The following TULP4 variants were observed in gnomAD, a reference collection of about 807,000 sequenced individuals.
TULP4 encodes the protein tubby-related protein 4.
A neutral mutation model predicts 129.0 loss-of-function variants in TULP4; 16 were observed. The observed-to-expected ratio is 0.12, with a 90% confidence interval of 0.08 to 0.19. The LOEUF (loss-of-function observed/expected upper bound fraction) is 0.19, where lower values mean the gene tolerates loss of function less well. Among genes scored for constraint, TULP4 ranks in the 10% least tolerant of loss-of-function variants. The pLI is 1.00. For synonymous variants in TULP4, 998 were observed against 854.0 expected (o/e 1.17, Z -2.94); for missense variants, 1,842 against 2,059.1 (o/e 0.89, Z 2.04).
intron 3 of TULP4, among the ~76,000 whole-genome samples, chr6:158,438,566 AGTTT>A (rs140886476): frequency 0.09 from 12,773 of 141,812 alleles, 621 homozygotes; most frequent in South Asian, 0.18. Context: ...AAAACACCAC[AGTTT>A]GTTTGTTTGT....
At chr6:158,403,874 A>C (rs1777911094) in intron 1 of TULP4, among the ~76,000 whole-genome samples, 1 of 152,218 alleles carries the variant, frequency 6.6e-6, no homozygotes, top group African/African-American at 2.4e-5. Flanking sequence ...TGGCGTCTTT[A>C]CATGTAAACT....
chr6:158,349,519 G>GTGT (rs1780436739), intron 1 of TULP4, among the ~76,000 whole-genome samples: 1 of 138,744 alleles, frequency 7.2e-6, no homozygotes, highest in Non-Finnish European at 1.6e-5. Context: ...CCCAGACGAA[G>GTGT]GGTGGCCGGG....
intron 1 of TULP4, among the ~76,000 whole-genome samples, chr6:158,374,120 A>T (rs1437160951): frequency 3.3e-5 from 5 of 152,140 alleles, no homozygotes; most frequent in Admixed American, 6.5e-5. Flanking sequence ...TCAGATGCAG[A>T]TATTCATCAG....
intron 8 of TULP4, among the ~76,000 whole-genome samples, chr6:158,487,820 T>C (rs146764488): frequency 1.5e-4 from 23 of 152,374 alleles, no homozygotes; most frequent in African/African-American, 5.3e-4. Flanking sequence ...TTTCTTTGTC[T>C]CATGCCACCC....
At chr6:158,388,322 C>CTTTTTTTTTTTTTTTTTT (rs10650311) in intron 1 of TULP4, among the ~76,000 whole-genome samples, 5 of 86,262 alleles carry the variant, frequency 5.8e-5, no homozygotes, top group African/African-American at 9.9e-5. Context: ...GCTCGTTTTT[C>CTTTTTTTTTTTTTTTTTT]TTTTTTTTTT....
At position 158,401,274 on chromosome 6, in the gene TULP4, G is replaced by A. The variant is rs577998644; in HGVS notation, c.253-11791G>A. 3.3e-5 allele frequency among the ~76,000 whole-genome samples: 5 copies of A among 152,090 alleles called. 1 individual carries two copies. The Middle Eastern group carries it at 0.01, about 310-fold the overall frequency. On this transcript the variant is annotated intron_variant, in intron 1 of 13. Coordinates refer to ENST00000367097, the MANE Select transcript of TULP4 (RefSeq NM_020245.5). ...TTTTTTGTAGAGACGGGGTTTCACC[G>A]TGTTGCCCAGGCTGGTCTCGAACTC...
At chr6:158,240,639 G>A (rs577101108) in intron 1 of TULP4, among the ~76,000 whole-genome samples, 1 of 109,546 alleles carries the variant, frequency 9.1e-6, no homozygotes, top group African/African-American at 2.9e-5. Flanking sequence ...GCGGCTGGCC[G>A]GGTGGAGGCT....
chr6:158,463,679 A>T (rs1276873921), intron 6 of TULP4, among the ~76,000 whole-genome samples: 1 of 143,750 alleles, frequency 7.0e-6, no homozygotes, highest in African/African-American at 2.6e-5. Context: ...AAAAGAAAAA[A>T]TAAATGGAAT....
intron 1 of TULP4, chr6:158,242,150 C>A (rs938579141): frequency 7.6e-5 from 76 of 995,672 alleles, no homozygotes; most frequent in Non-Finnish European, 4.5e-5. Flanking sequence ...TAAGTGATGG[C>A]CAGTCCTGCC....
chr6:158,238,023 G>A lies in TULP4; in HGVS notation n.68+5720G>A. The stretch of plus-strand genomic sequence containing the variant: ...AATGAGCAGGAGATTTGAGCTGATG[G>A]TTTTGATACCACCAGATAGCTTGTG... On this transcript the variant is annotated intron_variant and non_coding_transcript_variant, in intron 1 of 1. Coordinates refer to the TULP4 transcript ENST00000620026. 3 of 707,914 alleles carry A rather than the reference G, an allele frequency of 4.2e-6. No individual in the cohort carries two copies. The South Asian group carries it at 4.4e-5, about 10-fold the overall frequency. 43.9% of individuals were successfully genotyped at this position (707,914 alleles called of 1,614,324 possible).
At position 158,413,033 on chromosome 6, in the gene TULP4, C is replaced by CTGT. The variant is rs1778131372; in HGVS notation, c.253-31_253-29dup. 6.3e-7 allele frequency: 1 copy of CTGT among 1,586,888 alleles called. No individual in the cohort carries two copies. On this transcript the variant is annotated intron_variant, in intron 1 of 13. Coordinates refer to ENST00000367097, the MANE Select transcript of TULP4 (RefSeq NM_020245.5). The surrounding 1 kb of genome is among the most constrained non-coding windows in gnomAD (Gnocchi z 4.9). ...TAATCCTGGCCCACAGATTTATTTCCTGTGGTAAATGTCTTCTTGGTGGTT... is the reference window on the plus strand; with the variant it reads ...TAATCCTGGCCCACAGATTTATTTCCTGTTGTGGTAAATGTCTTCTTGGTGGTT...
At chr6:158,382,763 T>C (rs1398198204) in intron 1 of TULP4, among the ~76,000 whole-genome samples, 2 of 152,198 alleles carry the variant, frequency 1.3e-5, no homozygotes, top group African/African-American at 2.4e-5. Context: ...GGAGAAATGG[T>C]AATTTCCTGT....
chr6:158,425,295 C>T (rs2771430), intron 2 of TULP4, among the ~76,000 whole-genome samples: 36,562 of 151,592 alleles, frequency 0.24, 5,662 homozygotes, highest in Non-Finnish European at 0.35. Context: ...GGGCCGATCA[C>T]CTGAGGTCGG....
At chr6:158,452,383 C>T in intron 5 of TULP4, 115 bp downstream of exon 5, 1 of 1,390,988 alleles carries the variant, frequency 7.2e-7, no homozygotes, top group Non-Finnish European at 9.6e-7. Context: ...GTGACACCTT[C>T]TGGGCTTCAT....
chr6:158,488,850 G>C (rs1336988540), intron 8 of TULP4, among the ~76,000 whole-genome samples: 2 of 152,010 alleles, frequency 1.3e-5, no homozygotes, highest in Admixed American at 6.6e-5. Flanking sequence ...CACAGGTGGG[G>C]ATGGGCAGCA....
intron 3 of TULP4, among the ~76,000 whole-genome samples, chr6:158,439,637 C>G (rs1177751923): frequency 3.4e-5 from 5 of 148,540 alleles, no homozygotes; most frequent in African/African-American, 5.0e-5. Context: ...TTAAAAGTCA[C>G]TGTGCTCAAT....
intron 5 of TULP4, among the ~76,000 whole-genome samples, chr6:158,458,808 T>C (rs1411234158): frequency 1.3e-5 from 2 of 152,220 alleles, no homozygotes; most frequent in Non-Finnish European, 2.9e-5. Context: ...GCCCTAGGAA[T>C]TCAACTCCTG....
At chr6:158,248,704 C>T (rs868131436) in intron 1 of TULP4, among the ~76,000 whole-genome samples, 7 of 151,660 alleles carry the variant, frequency 4.6e-5, no homozygotes, top group Non-Finnish European at 7.4e-5. Context: ...ATTGTGCCAC[C>T]GCACTCTAGC....
Position 158,419,021 on chromosome 6 carries a change from A to C in TULP4, c.381+5828A>C, listed in dbSNP as rs191206931. The stretch of plus-strand genomic sequence containing the variant: ...AAAGAGCTTTTTATTTTTATTCCAG[A>C]ATGTAATGCGTTGTTTCTGAAAAAC... On this transcript the variant is annotated intron_variant, in intron 2 of 13. Coordinates refer to ENST00000367097, the MANE Select transcript of TULP4 (RefSeq NM_020245.5). Among the ~76,000 whole-genome samples the C allele has an allele frequency of 2.8e-3, 427 of 152,366 alleles. 9 individuals carry two copies. Among genetic ancestry groups the C allele is most frequent in the Non-Finnish European group, 1.1e-3 (76 of 68,044 alleles).
Sources: gnomAD v4.1 joint callset for allele counts (sites outside exome capture counted in the v4.1 genomes callset) on GRCh38, gnomAD v4.1.1 for gene constraint, Gnocchi (gnomAD v3.1) non-coding constraint, MANE v1.5 for transcripts, NCBI Gene and HGNC (gene_info 2026-07-23, HGNC 2026-07-21) for gene names.